The following FNBP4 variants were observed in gnomAD, a reference collection of about 807,000 sequenced individuals.
FNBP4 encodes formin-binding protein 4.
FNBP4 carries 34 observed loss-of-function variants against 119.3 expected under a neutral mutation model. That is an observed-to-expected ratio of 0.28 (90% CI 0.22 to 0.38). The LOEUF (loss-of-function observed/expected upper bound fraction) is 0.38, where lower values mean the gene tolerates loss of function less well. FNBP4 is among the 10% of genes least tolerant of loss of function. The pLI, the probability that FNBP4 is intolerant of heterozygous loss-of-function variation, is 1.00. For missense variants in FNBP4, 1,112 were observed against 1,228.9 expected, an observed-to-expected ratio of 0.90 and a Z score of 1.42; for synonymous variants, 462 against 430.6, an observed-to-expected ratio of 1.07 and a Z score of -0.90.
intron 2 of FNBP4, among the ~76,000 whole-genome samples, chr11:47,755,373 C>T (rs183530168): frequency 3.8e-4 from 56 of 148,466 alleles, no homozygotes; most frequent in African/African-American, 8.9e-4. Context: ...TGCTTGAACT[C>T]GGGAGGCGGA....
chr11:47,752,629 G>A, intron 4 of FNBP4: 1 of 244,624 alleles, frequency 4.1e-6, no homozygotes, highest in Non-Finnish European at 8.0e-6. Flanking sequence ...GGGCAACACA[G>A]TGAAACCACG....
chr11:47,743,226 C>T (rs775399442), intron 8 of FNBP4, among the ~76,000 whole-genome samples: 1 of 152,098 alleles, frequency 6.6e-6, no homozygotes, highest in African/African-American at 2.4e-5. Flanking sequence ...CGGTGGCTCA[C>T]GCCTGTAATC....
At chr11:47,763,802 G>C (rs2097641194) in intron 2 of FNBP4, among the ~76,000 whole-genome samples, 1 of 151,856 alleles carries the variant, frequency 6.6e-6, no homozygotes, top group African/African-American at 2.4e-5. Context: ...GCCTGGCCCA[G>C]AGCCATAGTT....
chr11:47,766,308 T>C (rs912209086), intron 1 of FNBP4, among the ~76,000 whole-genome samples: 6 of 152,018 alleles, frequency 3.9e-5, no homozygotes, highest in Non-Finnish European at 8.8e-5. Flanking sequence ...GATTGAGACA[T>C]TGTCTCGAAA....
intron 16 of FNBP4, among the ~76,000 whole-genome samples, chr11:47,717,882 A>T (rs1347581861): frequency 6.7e-6 from 1 of 150,064 alleles, no homozygotes; most frequent in African/African-American, 2.4e-5. Context: ...CCCTCAGAGT[A>T]GCTGGGATTA....
intron 1 of FNBP4, 137 bp downstream of exon 1, chr11:47,766,932 C>A: frequency 1.5e-6 from 2 of 1,361,130 alleles, no homozygotes; most frequent in Non-Finnish European, 1.9e-6. Flanking sequence ...CCCAGGGCCG[C>A]CCCGCCTGCA....
At chr11:47,762,929 A>T (rs1781807203) in intron 2 of FNBP4, among the ~76,000 whole-genome samples, 1 of 146,890 alleles carries the variant, frequency 6.8e-6, no homozygotes, top group Non-Finnish European at 1.5e-5. Flanking sequence ...AAAAAAAAAG[A>T]GTCTCTCTGC....
In FNBP4 at chr11:47,717,405, T is replaced by G. The variant is rs1440508581; in HGVS notation, c.*17A>C. On this transcript the variant is annotated 3_prime_UTR_variant, in exon 17 of 17. Transcript: ENST00000263773. ...CAAAACAAACAATAATACAAAAAAG[T>G]TTTAAAAACTTAAAAACTATGTGTT... 6.3e-7 allele frequency: 1 copy of G among 1,581,892 alleles called. No homozygotes were observed. The highest frequency in any genetic ancestry group is 8.6e-7 in the Non-Finnish European group (1 of 1,157,424).
chr11:47,762,561 T>G (rs2097637874), intron 2 of FNBP4, among the ~76,000 whole-genome samples: 1 of 152,036 alleles, frequency 6.6e-6, no homozygotes, highest in Non-Finnish European at 1.5e-5. Flanking sequence ...GTCTCCCAAG[T>G]AGCTAGGCCC....
intron 2 of FNBP4, among the ~76,000 whole-genome samples, chr11:47,756,188 T>C (rs186789293): frequency 3.3e-5 from 5 of 152,272 alleles, no homozygotes; most frequent in African/African-American, 1.2e-4. Context: ...TGCTATGCCA[T>C]TTCCTTTTGG....
intron 9 of FNBP4, among the ~76,000 whole-genome samples, chr11:47,734,500 AG>A (rs949549730): frequency 6.6e-6 from 1 of 152,108 alleles, no homozygotes; most frequent in African/African-American, 2.4e-5. Context: ...TACAGATGTG[AG>A]CCACTGTGCC....
chr11:47,738,102 A>C (rs1174813236), intron 8 of FNBP4, among the ~76,000 whole-genome samples: 1 of 152,148 alleles, frequency 6.6e-6, no homozygotes, highest in Non-Finnish European at 1.5e-5. Context: ...AGACCTACAG[A>C]CATCTATATT....
intron 12 of FNBP4, chr11:47,725,848 G>C (rs1207757169): frequency 3.3e-6 from 3 of 908,396 alleles, no homozygotes; most frequent in Non-Finnish European, 3.9e-6. Flanking sequence ...TAAAATCATA[G>C]AATTTAGGAG....
At chr11:47,756,535 A>G (rs1265227723) in intron 2 of FNBP4, among the ~76,000 whole-genome samples, 1 of 151,844 alleles carries the variant, frequency 6.6e-6, no homozygotes, top group African/African-American at 2.4e-5. Context: ...TTCTGTATGT[A>G]GGTTAAGTTT....
intron 2 of FNBP4, among the ~76,000 whole-genome samples, chr11:47,761,366 G>A (rs1339410532): frequency 2.6e-5 from 4 of 152,112 alleles, no homozygotes; most frequent in African/African-American, 4.8e-5. Flanking sequence ...AGGCTGAGAC[G>A]AGTGGATTAC....
rs1354146887 is a variant in FNBP4, at chr11:47,724,040, C to T, written c.2452G>A (p.Ala818Thr). 1 of 1,614,082 alleles carries T rather than the reference C, an allele frequency of 6.2e-7. No homozygotes were observed. The highest frequency in any genetic ancestry group is 2.2e-5 in the East Asian group (1 of 44,888). ...GSSPVLYSQS[A>T]IATGHQAAGI... ...TATGCACAATTACCTGTAGCTATAGCTGACTGGCTATAGAGAACTGGAGAA... is the reference window on the plus strand; with the variant it reads ...TATGCACAATTACCTGTAGCTATAGTTGACTGGCTATAGAGAACTGGAGAA... Residue 818 changes from alanine (A) to threonine (T), a missense_variant, in exon 14 of 17, where the codon GCT (alanine) becomes ACT (threonine). Around this residue, in one of 2 missense-constraint regions of FNBP4, gnomAD observed 826 missense variants for 988.8 expected, o/e 0.84. Coordinates refer to ENST00000263773, the MANE Select transcript of FNBP4 (RefSeq NM_015308.5).
At chr11:47,719,513 G>A (rs2097553044) in intron 16 of FNBP4, among the ~76,000 whole-genome samples, 1 of 152,096 alleles carries the variant, frequency 6.6e-6, no homozygotes, top group Non-Finnish European at 1.5e-5. Context: ...AATAATGTGT[G>A]TGTGTATAAA....
chr11:47,764,244 G>A (rs776293796), intron 2 of FNBP4, among the ~76,000 whole-genome samples: 1 of 152,122 alleles, frequency 6.6e-6, no homozygotes, highest in Non-Finnish European at 1.5e-5. Context: ...ACCATGCCCA[G>A]CTAATTTTTA....
In FNBP4 at chr11:47,732,510, A is replaced by C. The variant is rs1163966047; in HGVS notation, c.1820+27T>G. 2 of 1,613,506 alleles carry C rather than the reference A, an allele frequency of 1.2e-6. No homozygotes were observed. The highest frequency in any genetic ancestry group is 1.7e-6 in the Non-Finnish European group (2 of 1,179,656). ...TCATGTCTGAGATGTCAAAGGTGAAAGGTGAAAAGGGGAGAAGAGTGCGTA... is the reference window on the plus strand; with the variant it reads ...TCATGTCTGAGATGTCAAAGGTGAACGGTGAAAAGGGGAGAAGAGTGCGTA... On this transcript the variant is annotated intron_variant, in intron 11 of 16. Coordinates refer to ENST00000263773, the MANE Select transcript of FNBP4 (RefSeq NM_015308.5). This position sits in a 1 kb window ranked among gnomAD's most constrained non-coding sequence, Gnocchi z 4.2.
Sources: gnomAD v4.1 joint callset for allele counts (sites outside exome capture counted in the v4.1 genomes callset) on GRCh38, gnomAD v4.1.1 for gene constraint, gnomAD v4.1.1 regional missense constraint, Gnocchi (gnomAD v3.1) non-coding constraint, MANE v1.5 for transcripts, NCBI Gene and HGNC (gene_info 2026-07-23, HGNC 2026-07-21) for gene names.